TNIK: variants seen among roughly 807,000 people sequenced by gnomAD.
TNIK encodes the protein TRAF2 and NCK-interacting protein kinase.
In TNIK, 49 loss-of-function variants were observed where a neutral mutation model predicts 191.3. That is an observed-to-expected ratio of 0.26 (90% CI 0.20 to 0.32). TNIK has a LOEUF of 0.32. Among genes scored for constraint, TNIK ranks in the 10% least tolerant of loss-of-function variants. The pLI is 1.00. For missense variants in TNIK, 1,155 were observed against 1,702.3 expected, an observed-to-expected ratio of 0.68 and a Z score of 5.66; for synonymous variants, 594 against 600.9, an observed-to-expected ratio of 0.99 and a Z score of 0.17.
intron 1 of TNIK, among the ~76,000 whole-genome samples, chr3:171,452,729 AACACACACACACACACACACAC>A (rs10602125): frequency 4.9e-5 from 7 of 142,548 alleles, no homozygotes; most frequent in African/African-American, 1.3e-4. Context: ...ACACACTCCA[AACACACACACACACACACACAC>A]ACACACACAC....
intron 2 of TNIK, among the ~76,000 whole-genome samples, chr3:171,264,558 TTGG>T (rs1424734625): frequency 1.3e-5 from 2 of 152,062 alleles, no homozygotes; most frequent in African/African-American, 4.8e-5. Context: ...TTTCTCCATG[TTGG>T]TCAGGCTGGT....
At chr3:171,224,028 T>C (rs940809513) in intron 3 of TNIK, among the ~76,000 whole-genome samples, 3 of 152,128 alleles carry the variant, frequency 2.0e-5, no homozygotes, top group African/African-American at 7.2e-5. Flanking sequence ...GAGTAAGGAA[T>C]TGGCCCAGGG....
chr3:171,231,940 C>A (rs1044251816), intron 2 of TNIK, among the ~76,000 whole-genome samples: 1 of 152,144 alleles, frequency 6.6e-6, no homozygotes, highest in African/African-American at 2.4e-5. Context: ...TATCGCCAAA[C>A]TTTTAAAATA....
At chr3:171,365,156 A>ACAT (rs1715514464) in intron 2 of TNIK, among the ~76,000 whole-genome samples, 1 of 79,884 alleles carries the variant, frequency 1.3e-5, no homozygotes, top group Non-Finnish European at 3.2e-5. Flanking sequence ...CAAAAGGACT[A>ACAT]CATTCTTTTT....
chr3:171,427,918 A>G (rs1724854886), intron 1 of TNIK, among the ~76,000 whole-genome samples: 3 of 152,152 alleles, frequency 2.0e-5, no homozygotes, highest in Admixed American at 2.0e-4. Flanking sequence ...TTTGGAGAAG[A>G]GCACTCCTAC....
chr3:171,261,528 A>C (rs1747613699), intron 2 of TNIK, among the ~76,000 whole-genome samples: 1 of 37,108 alleles, frequency 2.7e-5, no homozygotes. Flanking sequence ...TGTTGGTTGG[A>C]TGGATGGATG....
At chr3:171,079,494 A>G (rs1402601936) in intron 28 of TNIK, 24 bp downstream of exon 28, 5 of 1,604,990 alleles carry the variant, frequency 3.1e-6, no homozygotes, top group Non-Finnish European at 4.3e-6. Context: ...GACCAAACTT[A>G]TAATTCCATG....
At chr3:171,408,465 G>T (rs888089925) in intron 1 of TNIK, among the ~76,000 whole-genome samples, 1 of 152,126 alleles carries the variant, frequency 6.6e-6, no homozygotes, top group African/African-American at 2.4e-5. Context: ...GATTCATTCC[G>T]CCATGAAGGA....
chr3:171,424,768 G>A (rs1324653902), intron 1 of TNIK, among the ~76,000 whole-genome samples: 1 of 146,748 alleles, frequency 6.8e-6, no homozygotes, highest in Non-Finnish European at 1.5e-5. Context: ...TCACTCATAG[G>A]TGGGAATTGA....
At chr3:171,274,013 A>AT (rs993915355) in intron 2 of TNIK, among the ~76,000 whole-genome samples, 71 of 152,368 alleles carry the variant, frequency 4.7e-4, no homozygotes, top group African/African-American at 1.4e-3. Context: ...GAATATAGAC[A>AT]TATATCCACA....
chr3:171,455,015 T>C (rs1156923514), intron 1 of TNIK, among the ~76,000 whole-genome samples: 2 of 152,224 alleles, frequency 1.3e-5, no homozygotes, highest in Non-Finnish European at 2.9e-5. Context: ...ACAATGCTGA[T>C]AGTTGATACT....
At chr3:171,238,622 G>A (rs1180681742) in intron 2 of TNIK, among the ~76,000 whole-genome samples, 3 of 152,106 alleles carry the variant, frequency 2.0e-5, no homozygotes, top group Non-Finnish European at 4.4e-5. Context: ...TCCCCAACAA[G>A]CAATAATTGG....
chr3:171,229,877 G>A (rs549785899), intron 2 of TNIK, among the ~76,000 whole-genome samples: 2 of 152,008 alleles, frequency 1.3e-5, no homozygotes, highest in Non-Finnish European at 2.9e-5. Context: ...TCCTGAAATC[G>A]AGGGAGAGGA....
intron 1 of TNIK, among the ~76,000 whole-genome samples, chr3:171,376,595 T>C (rs1717251078): frequency 6.6e-6 from 1 of 152,044 alleles, no homozygotes; most frequent in Non-Finnish European, 1.5e-5. Flanking sequence ...AAGCAGCATA[T>C]GAGAAAAGGT....
At chr3:171,305,412 G>A (rs1273628708) in intron 2 of TNIK, among the ~76,000 whole-genome samples, 1 of 152,058 alleles carries the variant, frequency 6.6e-6, no homozygotes, top group East Asian at 1.9e-4. Context: ...GAAACTATCA[G>A]CAGAGTGAAC....
rs1319269152 is a variant in TNIK at position 171,058,486 on chromosome 3, G to A, written c.*5395C>T. Among the ~76,000 whole-genome samples the A allele has an allele frequency of 6.6e-6, 1 of 152,200 alleles. No individual in the cohort carries two copies. Among genetic ancestry groups the A allele is most frequent in the Non-Finnish European group, 1.5e-5 (1 of 68,036 alleles). ...TATTCCAGGACATGGTAGTTACCAT[G>A]TGGGGAAACCTATCAAAGCATTTTT... On this transcript the variant is annotated 3_prime_UTR_variant, in exon 33 of 33. Coordinates refer to ENST00000436636, the MANE Select transcript of TNIK (RefSeq NM_015028.4).
chr3:171,282,341 G>GTTTTTTTTTTTT lies in TNIK; in HGVS notation c.124-54132_124-54121dup, dbSNP rs869305605. ...CTGCAGATTCTCTTAATGGTTTTTT[G>GTTTTTTTTTTTT]TTTTTTTTTTTTTTTTTGAGATGGA... On this transcript the variant is annotated intron_variant, in intron 2 of 32. Transcript: ENST00000436636. Among the ~76,000 whole-genome samples the GTTTTTTTTTTTT allele has an allele frequency of 1.5e-4, 12 of 79,958 alleles. 2 individuals carry two copies. The highest frequency in any genetic ancestry group is 4.5e-4 in the African/African-American group (10 of 22,436). 52.5% of individuals were successfully genotyped at this position (79,958 alleles called of 152,430 possible). A position where few individuals can be genotyped will look rare whatever the true frequency, so the allele number is the denominator to read the frequency against.
intron 2 of TNIK, among the ~76,000 whole-genome samples, chr3:171,323,314 A>G (rs1755374737): frequency 6.6e-6 from 1 of 152,222 alleles, no homozygotes; most frequent in Non-Finnish European, 1.5e-5. Flanking sequence ...GGGCAGGAGT[A>G]GAAAATGGTC....
rs373255058 is a variant in TNIK, at chr3:171,140,514, G to A, written c.1222-5C>T. The A allele has an allele frequency of 6.2e-6, 10 of 1,612,762 alleles. No homozygotes were observed. In the African/African-American group the frequency reaches 1.3e-4, roughly 21 times the overall value. ...CTCCTTCTCTCGCCTTTGTTGCTGT[G>A]GGGCAACAAGCAGACAACCATGAAG... On this transcript the variant is annotated splice_region_variant and splice_polypyrimidine_tract_variant and intron_variant, in intron 12 of 32. Transcript: ENST00000436636.
Sources: gnomAD v4.1 joint callset for allele counts (sites outside exome capture counted in the v4.1 genomes callset) on GRCh38, gnomAD v4.1.1 for gene constraint, MANE v1.5 for transcripts, NCBI Gene and HGNC (gene_info 2026-07-23, HGNC 2026-07-21) for gene names.